AKAP8: variants seen among roughly 807,000 people sequenced by gnomAD.
AKAP8 encodes the protein A-kinase anchoring protein 8, also known as A-kinase anchor protein 8.
Under a neutral mutation model 67.5 loss-of-function variants are expected in AKAP8, and 24 were observed. That is an observed-to-expected ratio of 0.36 (90% CI 0.26 to 0.50). The LOEUF (loss-of-function observed/expected upper bound fraction) is 0.50. AKAP8 is among the 20% of genes least tolerant of loss of function. The pLI is 0.97. For missense variants in AKAP8, 971 were observed against 955.9 expected (o/e 1.02, Z -0.21); for synonymous variants, 400 against 371.1 (o/e 1.08, Z -0.90).
At chr19:15,370,847 G>A (rs1206336097) in intron 7 of AKAP8, among the ~76,000 whole-genome samples, 1 of 151,982 alleles carries the variant, frequency 6.6e-6, no homozygotes, top group Non-Finnish European at 1.5e-5. Context: ...GGCCAGGATG[G>A]TCTCAATCTT....
At chr19:15,363,444 C>T (rs1267693680) in intron 9 of AKAP8, among the ~76,000 whole-genome samples, 1 of 143,612 alleles carries the variant, frequency 7.0e-6, no homozygotes, top group Admixed American at 6.9e-5. Flanking sequence ...AAGTGAGGAG[C>T]CCCCCTGCCC....
intron 2 of AKAP8, among the ~76,000 whole-genome samples, chr19:15,375,885 G>T (rs1217197845): frequency 2.0e-5 from 3 of 151,668 alleles, no homozygotes; most frequent in South Asian, 2.1e-4. Flanking sequence ...TGATCTGCCC[G>T]CCTCGGCCTC....
At chr19:15,357,003 GGCTGGAGT>G in intron 13 of AKAP8, among the ~76,000 whole-genome samples, 1 of 152,208 alleles carries the variant, frequency 6.6e-6, no homozygotes, top group South Asian at 2.1e-4. Flanking sequence ...CTGTCGCCAA[GGCTGGAGT>G]GCAATGGCGC....
chr19:15,358,191 A>G (rs1266843316), intron 13 of AKAP8, among the ~76,000 whole-genome samples: 1 of 152,144 alleles, frequency 6.6e-6, no homozygotes, highest in Non-Finnish European at 1.5e-5. Flanking sequence ...AGCTCTTCCA[A>G]CCAGCCTTCT....
At position 15,372,984 on chromosome 19, in the gene AKAP8, G is replaced by A. The variant is rs1181886340; in HGVS notation, c.728C>T (p.Pro243Leu). ...GGACTGGGAGAAGAGGGACGGAGGTGGCCGGCTGGGGGAGGGCCCTCCCAG... is the reference window on the plus strand; with the variant it reads ...GGACTGGGAGAAGAGGGACGGAGGTAGCCGGCTGGGGGAGGGCCCTCCCAG... ...RGLGGPSPSRPPPSLFSQSMA... is the reference protein window; with the variant it reads ...RGLGGPSPSRLPPSLFSQSMA... Residue 243 changes from proline (P) to leucine (L), a missense_variant, in exon 5 of 14, where the codon CCA (proline) becomes CTA (leucine). Around this residue, in one of 3 missense-constraint regions of AKAP8, gnomAD observed 763 missense variants for 745.4 expected, o/e 1.02. Coordinates refer to ENST00000269701, the MANE Select transcript of AKAP8 (RefSeq NM_005858.4). The A allele has an allele frequency of 5.8e-6, 9 of 1,565,052 alleles. No homozygotes were observed. The highest frequency in any genetic ancestry group is 6.9e-6 in the Non-Finnish European group (8 of 1,155,062).
chr19:15,374,582 C>A (rs777634700), intron 3 of AKAP8, 21 bp downstream of exon 3: 1 of 1,612,136 alleles, frequency 6.2e-7, no homozygotes, highest in Admixed American at 1.7e-5. Context: ...GCCCACAGAC[C>A]CCCCCCACAG....
In AKAP8 at chr19:15,361,713, TG is replaced by T; in HGVS notation, c.1396+15del. 1.2e-6 allele frequency: 2 copies of T among 1,602,096 alleles called. No individual in the cohort carries two copies. Among genetic ancestry groups the T allele is most frequent in the Non-Finnish European group, 1.7e-6 (2 of 1,168,958 alleles). On this transcript the variant is annotated intron_variant, in intron 11 of 13. Transcript: ENST00000269701. ...CTACCATCCAGGAAAGCACTCATCC[TG>T]GGATGACAACTCACCTTTGAAAGGA...
At position 15,374,083 on chromosome 19, in the gene AKAP8, G is replaced by A; in HGVS notation, c.92-18C>T. The A allele has an allele frequency of 2.0e-6, 3 of 1,532,204 alleles. No homozygotes were observed. Among genetic ancestry groups the A allele is most frequent in the Non-Finnish European group, 2.6e-6 (3 of 1,142,340 alleles). The allele number at this position is 1,532,204 out of a possible 1,614,324, so 94.9% of individuals were successfully genotyped here. ...TTCATAACCTGTCACAGGGGGAGGAGCCAAGTCAGACTTCAGCAGCCACGA... is the reference window on the plus strand; with the variant it reads ...TTCATAACCTGTCACAGGGGGAGGAACCAAGTCAGACTTCAGCAGCCACGA... On this transcript the variant is annotated intron_variant, in intron 3 of 13. Coordinates refer to ENST00000269701, the MANE Select transcript of AKAP8 (RefSeq NM_005858.4).
Position 15,372,331 on chromosome 19 carries a change from A to G in AKAP8, c.878T>C (p.Phe293Ser). The change falls in exon 6 of 14, where the codon TTT becomes TCT. Residue 293 changes from phenylalanine to serine, a missense_variant. Physicochemically the swap from Phe to Ser is radical, Grantham distance 155 (BLOSUM62 -2). This residue lies in a region of AKAP8 where 763 missense variants were observed against 745.4 expected (regional missense o/e 1.02). Transcript: ENST00000269701. ...RDRDRPKRRG[F>S]DRFGPDGTGR... ...CGTGCCATCTGGTCCGAAGCGGTCA[A>G]ACCCTCTCCTCTTGGGCTACAGACA... 1.9e-6 allele frequency: 3 copies of G among 1,614,184 alleles called. No homozygotes were observed. Among genetic ancestry groups the G allele is most frequent in the Non-Finnish European group, 2.5e-6 (3 of 1,180,032 alleles).
At chr19:15,373,452 G>A (rs1056404073) in intron 4 of AKAP8, 112 bp from the exon 5 acceptor site, 3 of 1,432,140 alleles carry the variant, frequency 2.1e-6, no homozygotes, top group Non-Finnish European at 1.8e-6. Context: ...AAACCACCCT[G>A]CATCCCACCT....
At chr19:15,366,008 A>G (rs557945914) in intron 9 of AKAP8, among the ~76,000 whole-genome samples, 2 of 150,588 alleles carry the variant, frequency 1.3e-5, no homozygotes, top group East Asian at 2.0e-4. Flanking sequence ...TGGGTGACAC[A>G]GCAAGACTCC....
rs1476723292 is a variant in AKAP8, at chr19:15,379,759, C to T, written c.-28G>A. 1.7e-5 allele frequency: 27 copies of T among 1,610,322 alleles called. No individual in the cohort carries two copies. The African/African-American group carries it at 2.5e-4, about 15-fold the overall frequency. On this transcript the variant is annotated 5_prime_UTR_variant, in exon 1 of 14. Coordinates refer to ENST00000269701, the MANE Select transcript of AKAP8 (RefSeq NM_005858.4). The stretch of plus-strand genomic sequence containing the variant: ...CTTCGACGCGGCCCACCAGCAGCCC[C>T]GTTTACTAGGCGACCACAGCACGCA...
chr19:15,368,812 C>T, intron 8 of AKAP8: 1 of 985,328 alleles, frequency 1.0e-6, no homozygotes, highest in African/African-American at 1.7e-5. Flanking sequence ...GAACTAGGGC[C>T]TCAGCAGGTC....
chr19:15,361,189 T>G (rs1012834726), intron 11 of AKAP8, among the ~76,000 whole-genome samples: 1 of 152,168 alleles, frequency 6.6e-6, no homozygotes, highest in African/African-American at 2.4e-5. Flanking sequence ...TTGTTTCTTT[T>G]CAAACCAAGG....
intron 9 of AKAP8, among the ~76,000 whole-genome samples, chr19:15,367,741 T>C (rs1365068569): frequency 6.6e-6 from 1 of 152,212 alleles, no homozygotes; most frequent in African/African-American, 2.4e-5. Flanking sequence ...ATCTTGATGG[T>C]AGGATCATCT....
rs748324933 is a variant in AKAP8, at chr19:15,362,092, G to C, written c.1302+18C>G. Reference sequence around the variant, plus strand: ...GGATGGGCAAGAGACGCGGTGACGGGGCCCAGGTTTCCTTTACCTGGAGGA... The same window carrying C: ...GGATGGGCAAGAGACGCGGTGACGGCGCCCAGGTTTCCTTTACCTGGAGGA... On this transcript the variant is annotated intron_variant, in intron 10 of 13. Coordinates refer to ENST00000269701, the MANE Select transcript of AKAP8 (RefSeq NM_005858.4). 2.5e-5 allele frequency: 41 copies of C among 1,612,976 alleles called. No individual in the cohort carries two copies. In the South Asian group the frequency reaches 4.4e-4, roughly 17 times the overall value.
At chr19:15,371,632 G>A (rs891520733) in intron 7 of AKAP8, among the ~76,000 whole-genome samples, 1 of 151,950 alleles carries the variant, frequency 6.6e-6, no homozygotes, top group Non-Finnish European at 1.5e-5. Context: ...GCTACTACAG[G>A]CAAGTGCCAC....
At chr19:15,364,828 A>G (rs1967043989) in intron 9 of AKAP8, among the ~76,000 whole-genome samples, 1 of 151,928 alleles carries the variant, frequency 6.6e-6, no homozygotes, top group Admixed American at 6.6e-5. Context: ...TGTATTGCTC[A>G]GGCTGTTCTC....
intron 1 of AKAP8, among the ~76,000 whole-genome samples, chr19:15,378,172 C>G (rs980277500): frequency 3.9e-5 from 6 of 152,200 alleles, no homozygotes; most frequent in Admixed American, 1.3e-4. Flanking sequence ...AGACTTGACC[C>G]AGTCATACTG....
Sources: allele counts gnomAD v4.1 joint callset (sites outside exome capture counted in the v4.1 genomes callset), GRCh38; gene constraint gnomAD v4.1.1; regional missense constraint gnomAD v4.1.1; transcripts MANE v1.5; gene names NCBI Gene and HGNC (gene_info 2026-07-23, HGNC 2026-07-21).